The following SLC13A3 variants were observed in gnomAD, a reference collection of about 807,000 sequenced individuals.
The protein encoded by SLC13A3 is Na(+)/dicarboxylate cotransporter 3.
A neutral mutation model predicts 59.0 loss-of-function variants in SLC13A3; 40 were observed. The ratio of observed to expected loss-of-function variants is 0.68; its 90% CI spans 0.53 to 0.88. The LOEUF is 0.88. SLC13A3 is among the 40% of genes least tolerant of loss of function. The probability of loss-of-function intolerance (pLI) is 0.00; values close to 1 mark genes in which losing one functional copy is unlikely to be tolerated. For missense variants in SLC13A3, 699 were observed against 783.2 expected, an observed-to-expected ratio of 0.89 and a Z score of 1.28; for synonymous variants, 317 against 330.3, an observed-to-expected ratio of 0.96 and a Z score of 0.44.
intron 1 of SLC13A3, among the ~76,000 whole-genome samples, chr20:46,682,739 G>T (rs138200644): frequency 6.6e-6 from 1 of 152,250 alleles, no homozygotes; most frequent in East Asian, 1.9e-4. Context: ...GTGACCCTAG[G>T]ACATATTTCC....
intron 3 of SLC13A3, among the ~76,000 whole-genome samples, chr20:46,600,290 GGAAAGAAA>G (rs777113264): frequency 6.7e-5 from 7 of 104,120 alleles, no homozygotes; most frequent in Non-Finnish European, 5.4e-5. Flanking sequence ...GGAAAGGGAG[GGAAAGAAA>G]GAAAGAAAGA....
At chr20:46,573,268 T>G (rs531221742) in intron 10 of SLC13A3, among the ~76,000 whole-genome samples, 4 of 152,324 alleles carry the variant, frequency 2.6e-5, no homozygotes, top group Admixed American at 2.6e-4. Context: ...GTCGGCTGTC[T>G]CAGACCCCAA....
intron 12 of SLC13A3, among the ~76,000 whole-genome samples, chr20:46,562,405 C>T (rs1479832225): frequency 6.6e-6 from 1 of 152,158 alleles, no homozygotes. Context: ...TCCATTGGGA[C>T]TGCTCTTCCC....
At chr20:46,638,244 T>C (rs1364479462) in intron 1 of SLC13A3, among the ~76,000 whole-genome samples, 3 of 152,152 alleles carry the variant, frequency 2.0e-5, no homozygotes, top group African/African-American at 7.2e-5. Context: ...TGCTGACTGG[T>C]TCCAGCCCTT....
chr20:46,674,616 T>C (rs2063113425), upstream of SLC13A3, among the ~76,000 whole-genome samples: 1 of 150,076 alleles, frequency 6.7e-6, no homozygotes, highest in African/African-American at 2.5e-5. Context: ...TGTGTGTGTG[T>C]GTGTGTGTGT....
At chr20:46,683,907 T>A (rs2063166165) in intron 1 of SLC13A3, among the ~76,000 whole-genome samples, 1 of 152,146 alleles carries the variant, frequency 6.6e-6, no homozygotes, top group Admixed American at 6.5e-5. Context: ...CACTTCCAGG[T>A]TTCTTGCTTC....
intron 8 of SLC13A3, chr20:46,584,130 G>C: frequency 9.1e-6 from 9 of 985,294 alleles, no homozygotes; most frequent in Non-Finnish European, 9.6e-6. Context: ...CCAGCCTCTT[G>C]GCCCCTCAAA....
At chr20:46,677,066 A>G (rs1309189841) in intron 1 of SLC13A3, among the ~76,000 whole-genome samples, 1 of 151,996 alleles carries the variant, frequency 6.6e-6, no homozygotes, top group Non-Finnish European at 1.5e-5. Flanking sequence ...GGCGCCCACC[A>G]TCATGCCTGG....
chr20:46,600,710 T>A (rs2062371734), intron 3 of SLC13A3: 1 of 340,900 alleles, frequency 2.9e-6, no homozygotes, highest in Non-Finnish European at 6.6e-6. Context: ...GAGCACCTAC[T>A]ATGTGCTATT....
At chr20:46,656,304 C>G (rs1350392967), upstream of SLC13A3, among the ~76,000 whole-genome samples, 1 of 127,264 alleles carries the variant, frequency 7.9e-6, no homozygotes, top group Non-Finnish European at 1.6e-5. Context: ...ATATACTATA[C>G]AGTATATATT....
intron 1 of SLC13A3, among the ~76,000 whole-genome samples, chr20:46,615,214 A>G (rs2122758015): frequency 6.6e-6 from 1 of 152,294 alleles, no homozygotes; most frequent in Admixed American, 6.5e-5. Flanking sequence ...TGCATATTCT[A>G]GGAAACATGA....
chr20:46,598,180 T>C (rs1009551232), intron 4 of SLC13A3, among the ~76,000 whole-genome samples: 1 of 152,152 alleles, frequency 6.6e-6, no homozygotes, highest in Non-Finnish European at 1.5e-5. Context: ...CCTGAATCAC[T>C]ACATAAGGGA....
At chr20:46,585,828 T>A in intron 8 of SLC13A3, 1 of 1,245,354 alleles carries the variant, frequency 8.0e-7, no homozygotes, top group Non-Finnish European at 1.0e-6. Flanking sequence ...GAAATTATAT[T>A]GTTTCTTGCT....
At chr20:46,598,869 C>A (rs2062343536) in intron 4 of SLC13A3, among the ~76,000 whole-genome samples, 1 of 152,114 alleles carries the variant, frequency 6.6e-6, no homozygotes, top group Non-Finnish European at 1.5e-5. Flanking sequence ...TCCAGCCACA[C>A]TGGCTTCCTG....
intron 10 of SLC13A3, 85 bp from the exon 11 acceptor site, chr20:46,566,475 G>A (rs2146081725): frequency 6.8e-7 from 1 of 1,463,250 alleles, no homozygotes; most frequent in Non-Finnish European, 9.3e-7. Context: ...TCACAACAAT[G>A]ACGACCATAC....
At chr20:46,602,304 C>A (rs1398081408) in intron 3 of SLC13A3, among the ~76,000 whole-genome samples, 1 of 152,110 alleles carries the variant, frequency 6.6e-6, no homozygotes, top group Non-Finnish European at 1.5e-5. Flanking sequence ...CTACTGCACT[C>A]CACCTTGGGT....
At chr20:46,676,897 G>A (rs1568968135) in intron 1 of SLC13A3, among the ~76,000 whole-genome samples, 1 of 152,016 alleles carries the variant, frequency 6.6e-6, no homozygotes, top group African/African-American at 2.4e-5. Context: ...GAGGGGGAAC[G>A]GAGAGTAGTT....
At chr20:46,682,062 A>G (rs185507451) in intron 1 of SLC13A3, 1 of 152,334 alleles carries the variant, frequency 6.6e-6, no homozygotes, top group Non-Finnish European at 1.5e-5. Context: ...TTGTAAGAAC[A>G]TGGGCTCCTC....
chr20:46,644,295 C>T (rs1292089308), intron 1 of SLC13A3, among the ~76,000 whole-genome samples: 1 of 152,114 alleles, frequency 6.6e-6, no homozygotes, highest in African/African-American at 2.4e-5. Context: ...CCAGTAAGTG[C>T]CTCAAACATA....
Sources: gnomAD v4.1 joint callset for allele counts (sites outside exome capture counted in the v4.1 genomes callset) on GRCh38, gnomAD v4.1.1 for gene constraint, MANE v1.5 for transcripts, NCBI Gene and HGNC (gene_info 2026-07-23, HGNC 2026-07-21) for gene names.